The following ALDH9A1 variants were observed in gnomAD, a reference collection of about 807,000 sequenced individuals.
ALDH9A1 encodes aldehyde dehydrogenase 9 family member A1.
In ALDH9A1, 42 loss-of-function variants were observed where a neutral mutation model predicts 56.6. The ratio of observed to expected loss-of-function variants is 0.74; its 90% CI spans 0.58 to 0.96. The LOEUF is 0.96. ALDH9A1 is among the 40% of genes least tolerant of loss of function. The probability of loss-of-function intolerance (pLI) is 0.00; values close to 1 mark genes in which losing one functional copy is unlikely to be tolerated. For missense variants in ALDH9A1, 661 were observed against 651.5 expected, an observed-to-expected ratio of 1.01 and a Z score of -0.16; for synonymous variants, 242 against 236.0, an observed-to-expected ratio of 1.03 and a Z score of -0.23.
intron 5 of ALDH9A1, 140 bp from the exon 6 acceptor site, chr1:165,679,722 T>C (rs57117372): frequency 1.1e-6 from 1 of 894,736 alleles, no homozygotes; most frequent in African/African-American, 1.7e-5. Context: ...CTTTGCCTTT[T>C]GGCTATTAAA....
chr1:165,679,399 G>A (rs1228526082), intron 6 of ALDH9A1, 43 bp downstream of exon 6: 7 of 1,605,452 alleles, frequency 4.4e-6, no homozygotes, highest in South Asian at 1.1e-5. Flanking sequence ...TGGATGAGGG[G>A]GTAGAGATTC....
chr1:165,698,498 G>C lies in ALDH9A1; in HGVS notation c.61C>G (p.Pro21Ala). The C allele has an allele frequency of 6.2e-7, 1 of 1,609,234 alleles. No individual in the cohort carries two copies. Among genetic ancestry groups the C allele is most frequent in the South Asian group, 1.1e-5 (1 of 90,518 alleles). ...SPLLRSLRPS[P>A]VAAMSTGTFV... ...GTGCCAGTGCTCATGGCGGCGACAG[G>C]AGAGGGCCGAAGACTGCGAAGAAGC... Residue 21 changes from proline (P) to alanine (A), a missense_variant, in exon 1 of 11, where the codon CCT becomes GCT. By Grantham distance (27) the Pro-to-Ala change is conservative. Transcript: ENST00000354775.
chr1:165,678,509 T>C (rs1172261398), intron 6 of ALDH9A1, among the ~76,000 whole-genome samples: 2 of 152,044 alleles, frequency 1.3e-5, no homozygotes, highest in Non-Finnish European at 2.9e-5. Context: ...TGAACAAATA[T>C]AGAAGAAATG....
chr1:165,681,671 T>A lies in ALDH9A1; in HGVS notation c.592+436A>T, dbSNP rs774621195. On this transcript the variant is annotated intron_variant, in intron 4 of 10. Transcript: ENST00000354775. ...CAAAGCTCCTCTTTGATAAGAAGCT[T>A]ATCAAAGCCTTGCTTATCATTTCTC... Among the ~76,000 whole-genome samples the A allele has an allele frequency of 2.9e-4, 44 of 152,212 alleles. 1 individual carries two copies. Among genetic ancestry groups the A allele is most frequent in the African/African-American group, 1.1e-3 (44 of 41,456 alleles).
intron 2 of ALDH9A1, among the ~76,000 whole-genome samples, chr1:165,691,206 T>G (rs1032924646): frequency 3.3e-5 from 5 of 152,172 alleles, no homozygotes; most frequent in Non-Finnish European, 7.3e-5. Flanking sequence ...TCTGCAATAT[T>G]TGCTGTTCTA....
intron 6 of ALDH9A1, among the ~76,000 whole-genome samples, chr1:165,670,570 T>C (rs1390124881): frequency 1.3e-5 from 2 of 152,156 alleles, no homozygotes; most frequent in Non-Finnish European, 2.9e-5. Context: ...AAAAATTTTA[T>C]GCATGGCAAA....
At chr1:165,680,118 A>G (rs1649496279) in intron 5 of ALDH9A1, among the ~76,000 whole-genome samples, 1 of 152,222 alleles carries the variant, frequency 6.6e-6, no homozygotes, top group South Asian at 2.1e-4. Context: ...TCAGAACACA[A>G]ATTAATGTCA....
intron 2 of ALDH9A1, among the ~76,000 whole-genome samples, chr1:165,688,193 T>C (rs560240374): frequency 2.8e-4 from 43 of 152,260 alleles, no homozygotes; most frequent in Middle Eastern, 3.4e-3. Flanking sequence ...GACATGAGTC[T>C]GTAGTCCCAG....
At chr1:165,695,209 A>G in intron 2 of ALDH9A1, 43 bp downstream of exon 2, 1 of 1,551,456 alleles carries the variant, frequency 6.4e-7, no homozygotes. Flanking sequence ...AAGAAACCTC[A>G]GAGCAATGTC....
chr1:165,686,860 C>G (rs2101752077), intron 2 of ALDH9A1, among the ~76,000 whole-genome samples: 1 of 152,194 alleles, frequency 6.6e-6, no homozygotes, highest in East Asian at 1.9e-4. Flanking sequence ...AACATTTAAC[C>G]AGGAAGCGAA....
chr1:165,663,530 T>G (rs142926546), intron 10 of ALDH9A1, among the ~76,000 whole-genome samples: 145 of 152,338 alleles, frequency 9.5e-4, no homozygotes, highest in Non-Finnish European at 1.7e-3. Flanking sequence ...AATAGGCTTA[T>G]TCACCATTTC....
At chr1:165,678,607 T>C (rs1056646692) in intron 6 of ALDH9A1, among the ~76,000 whole-genome samples, 1 of 152,182 alleles carries the variant, frequency 6.6e-6, no homozygotes, top group Admixed American at 6.5e-5. Flanking sequence ...ATTTACTGCA[T>C]GAAAGTTTGA....
chr1:165,679,792 A>C (rs1232347838), intron 5 of ALDH9A1, among the ~76,000 whole-genome samples: 1 of 152,154 alleles, frequency 6.6e-6, no homozygotes, highest in Non-Finnish European at 1.5e-5. Context: ...TAGAAGAGGG[A>C]GTTCATTTAA....
chr1:165,663,210 T>G (rs1330392186), intron 10 of ALDH9A1, 66 bp from the exon 11 acceptor site: 21 of 1,314,078 alleles, frequency 1.6e-5, no homozygotes, highest in Non-Finnish European at 2.2e-5. Flanking sequence ...ACAATGATCT[T>G]CAAAGATGAG....
intron 6 of ALDH9A1, chr1:165,676,543 T>G: frequency 3.6e-6 from 1 of 279,044 alleles, no homozygotes; most frequent in Non-Finnish European, 6.8e-6. Flanking sequence ...GTAAACAAAT[T>G]AAGGGCAAAA....
At chr1:165,687,717 G>A (rs1309633419) in intron 2 of ALDH9A1, among the ~76,000 whole-genome samples, 1 of 152,222 alleles carries the variant, frequency 6.6e-6, no homozygotes, top group African/African-American at 2.4e-5. Flanking sequence ...GCGGGGTGCA[G>A]TGGCTCACAC....
chr1:165,697,596 G>A (rs1289058304), intron 1 of ALDH9A1, among the ~76,000 whole-genome samples: 1 of 152,200 alleles, frequency 6.6e-6, no homozygotes, highest in African/African-American at 2.4e-5. Context: ...CTCATTCGTA[G>A]TCATTAGAAA....
At chr1:165,695,004 G>C (rs775882376) in intron 2 of ALDH9A1, among the ~76,000 whole-genome samples, 2 of 151,682 alleles carry the variant, frequency 1.3e-5, no homozygotes, top group Non-Finnish European at 2.9e-5. Flanking sequence ...GCTATAAAGA[G>C]TGCATTATAA....
At chr1:165,681,127 G>A (rs1364714755) in intron 4 of ALDH9A1, among the ~76,000 whole-genome samples, 1 of 152,136 alleles carries the variant, frequency 6.6e-6, no homozygotes, top group African/African-American at 2.4e-5. Context: ...TGGGAATTCT[G>A]GGTGATACAA....
Sources: allele counts gnomAD v4.1 joint callset (sites outside exome capture counted in the v4.1 genomes callset), GRCh38; gene constraint gnomAD v4.1.1; transcripts MANE v1.5; gene names NCBI Gene and HGNC (gene_info 2026-07-23, HGNC 2026-07-21).